The following RABGEF1 variants were observed in gnomAD, a reference collection of about 807,000 sequenced individuals.
RABGEF1 encodes the protein RAB guanine nucleotide exchange factor 1.
A neutral mutation model predicts 57.3 loss-of-function variants in RABGEF1; 26 were observed. The observed-to-expected ratio is 0.45, with a 90% CI of 0.33 to 0.63. The LOEUF is 0.63. Ranked by LOEUF, RABGEF1 falls within the 20% of genes least tolerant of loss-of-function variation. The pLI is 0.02. For missense variants in RABGEF1, 464 were observed against 607.6 expected (o/e 0.76, Z 2.48); for synonymous variants, 185 against 210.7 (o/e 0.88, Z 1.06).
At chr7:66,753,221 T>C (rs1801839209) in intron 1 of RABGEF1, among the ~76,000 whole-genome samples, 2 of 152,106 alleles carry the variant, frequency 1.3e-5, no homozygotes, top group Admixed American at 6.6e-5. Context: ...CCATGTAACT[T>C]ATTATCCACA....
chr7:66,721,510 C>G (rs944380030), intron 2 of RABGEF1, among the ~76,000 whole-genome samples: 4 of 152,166 alleles, frequency 2.6e-5, no homozygotes, highest in African/African-American at 9.7e-5. Flanking sequence ...TCATTAAATG[C>G]AACAGTGCAG....
chr7:66,745,563 T>C (rs1324984554), intron 1 of RABGEF1, among the ~76,000 whole-genome samples: 2 of 151,928 alleles, frequency 1.3e-5, no homozygotes, highest in Non-Finnish European at 2.9e-5. Context: ...GGCCAGGAGT[T>C]TGAGACCAGC....
At chr7:66,697,179 A>G (rs905518219) in intron 1 of RABGEF1, among the ~76,000 whole-genome samples, 7 of 152,112 alleles carry the variant, frequency 4.6e-5, no homozygotes, top group African/African-American at 1.7e-4. Flanking sequence ...AGAAGGCAAG[A>G]GGAGGCCTGG....
intron 1 of RABGEF1, among the ~76,000 whole-genome samples, chr7:66,747,402 C>T (rs1301408886): frequency 1.3e-5 from 2 of 152,156 alleles, no homozygotes; most frequent in Admixed American, 1.3e-4. Context: ...CTATGCTAGG[C>T]ACAGAACAAC....
chr7:66,713,793 T>C (rs1051610186), intron 2 of RABGEF1, among the ~76,000 whole-genome samples: 4 of 152,246 alleles, frequency 2.6e-5, no homozygotes, highest in Admixed American at 6.5e-5. Flanking sequence ...ATCATATTGA[T>C]ATATTGATTA....
At chr7:66,771,669 T>C (rs1583946332) in intron 1 of RABGEF1, among the ~76,000 whole-genome samples, 1 of 152,156 alleles carries the variant, frequency 6.6e-6, no homozygotes, top group Non-Finnish European at 1.5e-5. Flanking sequence ...GGGCAGGGAA[T>C]AAGTCTTTCT....
chr7:66,712,460 T>G (rs1237617266), intron 2 of RABGEF1, among the ~76,000 whole-genome samples: 1 of 152,230 alleles, frequency 6.6e-6, no homozygotes, highest in African/African-American at 2.4e-5. Flanking sequence ...ATATTTTTCT[T>G]TCTGCAGATA....
chr7:66,777,128 T>C (rs1584009203), intron 3 of RABGEF1, among the ~76,000 whole-genome samples: 1 of 152,250 alleles, frequency 6.6e-6, no homozygotes, highest in East Asian at 1.9e-4. Context: ...TAGAATTATC[T>C]TGCAGGGAGC....
chr7:66,743,325 AT>A lies in RABGEF1; in HGVS notation c.-18+2536del, dbSNP rs201420649. 3.7e-3 allele frequency among the ~76,000 whole-genome samples: 506 copies of A among 138,526 alleles called. 3 individuals are homozygous for A. The highest frequency in any genetic ancestry group is 9.5e-3 in the African/African-American group (368 of 38,816). 90.9% of individuals were successfully genotyped at this position (138,526 alleles called of 152,430 possible). On this transcript the variant is annotated intron_variant, in intron 1 of 8. Coordinates refer to ENST00000284957, the MANE Select transcript of RABGEF1 (RefSeq NM_014504.3). ...ACCTCGTCTCAAAAAAAAGAAAAAA[AT>A]TTAAAAAAAAAAAAAAGGCTCTCTC...
At chr7:66,720,170 A>G (rs1443455710) in intron 2 of RABGEF1, among the ~76,000 whole-genome samples, 1 of 106,654 alleles carries the variant, frequency 9.4e-6, no homozygotes, top group Non-Finnish European at 2.1e-5. Flanking sequence ...ACATCCATTC[A>G]TTATTATTAT....
chr7:66,788,703 G>A (rs570320380), intron 4 of RABGEF1, among the ~76,000 whole-genome samples: 1 of 152,184 alleles, frequency 6.6e-6, no homozygotes, highest in South Asian at 2.1e-4. Context: ...ACTGAGCTGG[G>A]CACAGTGGCT....
chr7:66,783,918 T>G (rs1810545264), intron 4 of RABGEF1, 77 bp downstream of exon 4: 3 of 1,302,600 alleles, frequency 2.3e-6, no homozygotes, highest in Non-Finnish European at 3.1e-6. Flanking sequence ...AGTGCAACCT[T>G]GTCATTTTAT....
chr7:66,679,772 G>A (rs182852991), upstream of RABGEF1, among the ~76,000 whole-genome samples: 3 of 151,666 alleles, frequency 2.0e-5, no homozygotes, highest in East Asian at 5.9e-4. Context: ...ACTCATGCCT[G>A]TAATCCCAGC....
At position 66,753,701 on chromosome 7, in the gene RABGEF1, G is replaced by GTTTTTTTTTTTTTTTT. The variant is rs1224800315; in HGVS notation, c.-18+12917_-18+12932dup. ...ATCTGAAAATGTCTATTTTGCCATC[G>GTTTTTTTTTTTTTTTT]TTTTTTTTTTTTTTTTTTTTTTTGA... On this transcript the variant is annotated intron_variant, in intron 1 of 8. Coordinates refer to ENST00000284957, the MANE Select transcript of RABGEF1 (RefSeq NM_014504.3). Among the ~76,000 whole-genome samples the GTTTTTTTTTTTTTTTT allele has an allele frequency of 8.9e-5, 7 of 78,772 alleles. 2 individuals carry two copies. The highest frequency in any genetic ancestry group is 1.2e-3 in the South Asian group (2 of 1,684). 51.7% of individuals were successfully genotyped at this position (78,772 alleles called of 152,430 possible).
intron 4 of RABGEF1, among the ~76,000 whole-genome samples, chr7:66,784,090 T>C (rs541202001): frequency 6.6e-6 from 1 of 152,370 alleles, no homozygotes; most frequent in African/African-American, 2.4e-5. Flanking sequence ...ACTTGAATTA[T>C]GTGCTTTAGT....
chr7:66,655,945 A>G, the RABGEF1 span, among the ~76,000 whole-genome samples: 1 of 152,180 alleles, frequency 6.6e-6, no homozygotes, highest in African/African-American at 2.4e-5. Context: ...GTGAGCTAAG[A>G]TGGAGCACCG....
chr7:66,683,087 T>C (rs1427789872), intron 1 of RABGEF1, among the ~76,000 whole-genome samples: 3 of 152,056 alleles, frequency 2.0e-5, no homozygotes, highest in South Asian at 2.1e-4. Flanking sequence ...ACCTTGGGAG[T>C]TGGTTTTTGG....
At chr7:66,718,914 T>C (rs952174222) in intron 2 of RABGEF1, among the ~76,000 whole-genome samples, 3 of 152,238 alleles carry the variant, frequency 2.0e-5, no homozygotes, top group Non-Finnish European at 4.4e-5. Context: ...GTCCTTTAAC[T>C]CTAAAGCCAG....
chr7:66,719,266 A>G (rs766258194), intron 2 of RABGEF1, among the ~76,000 whole-genome samples: 1 of 152,200 alleles, frequency 6.6e-6, no homozygotes, highest in African/African-American at 2.4e-5. Flanking sequence ...TCTGAACCAC[A>G]AATGGAGAGC....
Sources: allele counts gnomAD v4.1 joint callset (sites outside exome capture counted in the v4.1 genomes callset), GRCh38; gene constraint gnomAD v4.1.1; transcripts MANE v1.5; gene names NCBI Gene and HGNC (gene_info 2026-07-23, HGNC 2026-07-21).